REEP1: variants seen among roughly 807,000 people sequenced by gnomAD.
REEP1 encodes receptor accessory protein 1.
A neutral mutation model predicts 40.3 loss-of-function variants in REEP1; 22 were observed. That is an observed-to-expected ratio of 0.55 (90% CI 0.39 to 0.78). The LOEUF (loss-of-function observed/expected upper bound fraction) is 0.78. Ranked by LOEUF, REEP1 falls within the 30% of genes least tolerant of loss-of-function variation. REEP1 has a pLI of 0.00. For missense variants in REEP1, 280 were observed against 361.1 expected (o/e 0.78, Z 1.82); for synonymous variants, 116 against 139.2 (o/e 0.83, Z 1.17).
chr2:86,245,858 T>A (rs576935954), intron 5 of REEP1, among the ~76,000 whole-genome samples: 2 of 151,264 alleles, frequency 1.3e-5, no homozygotes, highest in Non-Finnish European at 3.0e-5. Context: ...TCCGCCTCCC[T>A]GGTTCACGCC....
At chr2:86,305,231 T>C (rs1679428391) in intron 1 of REEP1, among the ~76,000 whole-genome samples, 1 of 152,200 alleles carries the variant, frequency 6.6e-6, no homozygotes. Context: ...GCCAGTATCC[T>C]TCCCATAAAT....
At chr2:86,315,743 C>A (rs1000444730) in intron 1 of REEP1, among the ~76,000 whole-genome samples, 1 of 152,188 alleles carries the variant, frequency 6.6e-6, no homozygotes, top group African/African-American at 2.4e-5. Context: ...GACCCAGATG[C>A]TCTCTGGGTC....
intron 1 of REEP1, among the ~76,000 whole-genome samples, chr2:86,329,883 A>G (rs999436627): frequency 2.6e-5 from 4 of 152,226 alleles, no homozygotes; most frequent in African/African-American, 9.7e-5. Flanking sequence ...ACAGACCACT[A>G]TAGCACCAGG....
intron 1 of REEP1, among the ~76,000 whole-genome samples, chr2:86,298,304 G>C (rs966477053): frequency 2.6e-5 from 4 of 152,198 alleles, no homozygotes; most frequent in African/African-American, 9.7e-5. Flanking sequence ...GCACAGGGAT[G>C]GGCTCCCAAC....
intron 1 of REEP1, among the ~76,000 whole-genome samples, chr2:86,283,011 CCTT>C (rs1317703512): frequency 3.3e-5 from 5 of 152,152 alleles, no homozygotes; most frequent in Admixed American, 1.3e-4. Context: ...CTTCCTTCCC[CCTT>C]CTTTATCTGG....
chr2:86,285,061 C>A (rs1037206852), intron 1 of REEP1, among the ~76,000 whole-genome samples: 1 of 152,220 alleles, frequency 6.6e-6, no homozygotes, highest in Non-Finnish European at 1.5e-5. Flanking sequence ...TACTTCTGCT[C>A]CTTCAGACCA....
At chr2:86,324,573 C>A (rs1318759319) in intron 1 of REEP1, among the ~76,000 whole-genome samples, 1 of 152,154 alleles carries the variant, frequency 6.6e-6, no homozygotes, top group East Asian at 1.9e-4. Context: ...TTATGAAGAA[C>A]AAATGGTGGA....
At chr2:86,321,678 C>T (rs941282904) in intron 1 of REEP1, among the ~76,000 whole-genome samples, 2 of 152,158 alleles carry the variant, frequency 1.3e-5, no homozygotes, top group African/African-American at 4.8e-5. Context: ...ATGCAATTTA[C>T]CACTTAGACT....
chr2:86,275,282 C>T (rs1463720257), intron 2 of REEP1, among the ~76,000 whole-genome samples: 2 of 150,410 alleles, frequency 1.3e-5, no homozygotes, highest in East Asian at 3.9e-4. Flanking sequence ...GGGCACTTAG[C>T]CTGGAGGGAG....
chr2:86,253,041 G>C (rs1170323365), intron 4 of REEP1, among the ~76,000 whole-genome samples: 6 of 152,216 alleles, frequency 3.9e-5, no homozygotes, highest in Admixed American at 3.9e-4. Flanking sequence ...CAGCACTTTG[G>C]GAGGCCAAGG....
intron 3 of REEP1, 30 bp from the exon 4 acceptor site, chr2:86,254,844 G>T: frequency 1.9e-6 from 3 of 1,612,298 alleles, no homozygotes; most frequent in Non-Finnish European, 2.5e-6. Context: ...CACAAGTTCT[G>T]TTAGGTTCTC....
intron 5 of REEP1, among the ~76,000 whole-genome samples, chr2:86,245,502 C>G (rs1009466768): frequency 6.6e-6 from 1 of 152,230 alleles, no homozygotes; most frequent in African/African-American, 2.4e-5. Context: ...ATTTAAACCA[C>G]TACTGCTATA....
intron 1 of REEP1, 42 bp from the exon 2 acceptor site, chr2:86,282,284 A>G (rs1367879742): frequency 1.4e-6 from 2 of 1,406,748 alleles, no homozygotes; most frequent in Non-Finnish European, 2.0e-6. Context: ...TTTTTCATTT[A>G]TCTTATTTAA....
intron 1 of REEP1, among the ~76,000 whole-genome samples, chr2:86,312,476 G>C (rs376791068): frequency 2.0e-5 from 3 of 152,102 alleles, no homozygotes; most frequent in South Asian, 4.1e-4. Flanking sequence ...GCAACACTTA[G>C]GCAAAGACAA....
chr2:86,324,647 G>A (rs1427831162), intron 1 of REEP1, among the ~76,000 whole-genome samples: 3 of 152,150 alleles, frequency 2.0e-5, no homozygotes, highest in Non-Finnish European at 4.4e-5. Flanking sequence ...GTGTGGTGTT[G>A]GTGCAGGGTC....
At chr2:86,243,310 T>C (rs1486950387) in intron 5 of REEP1, among the ~76,000 whole-genome samples, 10 of 152,222 alleles carry the variant, frequency 6.6e-5, no homozygotes, top group Non-Finnish European at 1.5e-5. Flanking sequence ...CACTCACGCA[T>C]GATCCTCAAA....
intron 5 of REEP1, among the ~76,000 whole-genome samples, chr2:86,241,454 G>A (rs1256406066): frequency 1.3e-5 from 2 of 152,200 alleles, no homozygotes; most frequent in African/African-American, 2.4e-5. Flanking sequence ...ACAAGGCCAA[G>A]AGAGAGCTGA....
chr2:86,228,378 C>T (rs1436962305), intron 6 of REEP1, among the ~76,000 whole-genome samples: 1 of 152,010 alleles, frequency 6.6e-6, no homozygotes, highest in East Asian at 1.9e-4. Context: ...TCCCTTTTCT[C>T]AAGATGCAGG....
At chr2:86,270,167 TTTCTTTTG>T (rs1044046603) in intron 2 of REEP1, among the ~76,000 whole-genome samples, 2 of 65,694 alleles carry the variant, frequency 3.0e-5, no homozygotes, top group Non-Finnish European at 7.0e-5. Flanking sequence ...CAGTATCATT[TTTCTTTTG>T]TTTGTTTGTT....
Sources: gnomAD v4.1 joint callset for allele counts (sites outside exome capture counted in the v4.1 genomes callset) on GRCh38, gnomAD v4.1.1 for gene constraint, MANE v1.5 for transcripts, NCBI Gene and HGNC (gene_info 2026-07-23, HGNC 2026-07-21) for gene names.